The following DRD2 variants were observed in gnomAD, a reference collection of about 807,000 sequenced individuals.
DRD2 encodes the protein dopamine receptor D2.
In DRD2, 8 loss-of-function variants were observed where a neutral mutation model predicts 38.0. That is an observed-to-expected ratio of 0.21 (90% CI 0.12 to 0.38). The LOEUF (loss-of-function observed/expected upper bound fraction) is 0.38. Ranked by LOEUF, DRD2 falls within the 10% of genes least tolerant of loss-of-function variation. The probability of loss-of-function intolerance (pLI) is 1.00; values close to 1 mark genes in which losing one functional copy is unlikely to be tolerated. For missense variants in DRD2, 403 were observed against 607.7 expected (o/e 0.66, Z 3.54); for synonymous variants, 230 against 238.6 (o/e 0.96, Z 0.33).
chr11:113,469,966 G>A (rs1048185652), intron 1 of DRD2, among the ~76,000 whole-genome samples: 1 of 152,218 alleles, frequency 6.6e-6, no homozygotes, highest in Non-Finnish European at 1.5e-5. Context: ...CAAGTGCTGA[G>A]CACAGCGCCC....
chr11:113,412,644 T>C lies in DRD2; in HGVS notation c.1050A>G (p.Lys350=), dbSNP rs774175769. 5 of 1,614,086 alleles carry C rather than the reference T, an allele frequency of 3.1e-6. No homozygotes were observed. In the Admixed American group the frequency reaches 6.7e-5, roughly 22 times the overall value. Residue 350 remains lysine, a synonymous_variant, in exon 7 of 8, where the codon AAA becomes AAG. Coordinates refer to ENST00000362072, the MANE Select transcript of DRD2 (RefSeq NM_000795.4). ...TCATGGTCTTGAGGGAGGTCCGGGT[T>C]TTGCCATTGGGCATGGTCTGGATCT... ...IFEIQTMPNG[K]TRTSLKTMSR...
At chr11:113,443,772 A>T (rs1179363906) in intron 1 of DRD2, among the ~76,000 whole-genome samples, 3 of 152,260 alleles carry the variant, frequency 2.0e-5, no homozygotes, top group Admixed American at 6.5e-5. Context: ...ACTAAGTGGA[A>T]TGCATTGGGA....
intron 1 of DRD2, among the ~76,000 whole-genome samples, chr11:113,431,260 G>A (rs1395035834): frequency 2.0e-5 from 3 of 152,192 alleles, no homozygotes; most frequent in Admixed American, 2.0e-4. Flanking sequence ...TAGCTGCCAG[G>A]CCTCACTCCA....
At chr11:113,429,376 C>T (rs1332378737) in intron 1 of DRD2, among the ~76,000 whole-genome samples, 2 of 152,116 alleles carry the variant, frequency 1.3e-5, no homozygotes, top group Non-Finnish European at 2.9e-5. Context: ...TCCCGAGTAG[C>T]CAGGACTACA....
rs372849659 is a variant in DRD2, at chr11:113,412,675, A to G, written c.1019T>C (p.Ile340Thr). 6.2e-7 allele frequency: 1 copy of G among 1,614,110 alleles called. No individual in the cohort carries two copies. The highest frequency in any genetic ancestry group is 1.3e-5 in the African/African-American group (1 of 75,000). The part of the protein sequence containing the change: ...HAKDHPKIAK[I>T]FEIQTMPNGK... ...ATTGGGCATGGTCTGGATCTCAAAG[A>G]TCTTGGCAATCTTGGGGTGGTCTTT... The change falls in exon 7 of 8, where the codon ATC becomes ACC. Residue 340 changes from isoleucine (I) to threonine (T), a missense_variant. Transcript: ENST00000362072.
At chr11:113,448,119 C>T (rs531744122) in intron 1 of DRD2, among the ~76,000 whole-genome samples, 14 of 152,256 alleles carry the variant, frequency 9.2e-5, no homozygotes, top group African/African-American at 3.1e-4. Flanking sequence ...CATCACTCTG[C>T]GAGATGGAAC....
At chr11:113,452,005 C>T (rs185879517) in intron 1 of DRD2, among the ~76,000 whole-genome samples, 3 of 152,268 alleles carry the variant, frequency 2.0e-5, no homozygotes, top group Non-Finnish European at 4.4e-5. Context: ...CCTCTGGCCC[C>T]CTCCAGCCCA....
chr11:113,451,941 G>C (rs1353110228), intron 1 of DRD2, among the ~76,000 whole-genome samples: 4 of 152,132 alleles, frequency 2.6e-5, no homozygotes, highest in African/African-American at 9.7e-5. Flanking sequence ...AAATTCCATA[G>C]CTGGGATGGA....
At chr11:113,472,370 T>A (rs1436403167) in intron 1 of DRD2, among the ~76,000 whole-genome samples, 2 of 152,178 alleles carry the variant, frequency 1.3e-5, no homozygotes, top group African/African-American at 4.8e-5. Context: ...AGCAAGACAA[T>A]CTCAGGAGTA....
chr11:113,455,391 C>T (rs973145620), intron 1 of DRD2, among the ~76,000 whole-genome samples: 2 of 151,742 alleles, frequency 1.3e-5, no homozygotes, highest in Non-Finnish European at 2.9e-5. Flanking sequence ...AAAAAGATGT[C>T]GATTTGGCAA....
At chr11:113,435,332 G>A (rs1053430432) in intron 1 of DRD2, among the ~76,000 whole-genome samples, 3 of 844 alleles carry the variant, frequency 3.6e-3, no homozygotes, top group African/African-American at 4.2e-3. Flanking sequence ...ACTCAGTGTG[G>A]GGGGGGGTGG....
At position 113,410,418 on chromosome 11, in the gene DRD2, G is replaced by A; in HGVS notation, c.*309C>T. ...CCTAGAGCCCCAGAGGAAGGTCAAG[G>A]AAGGCGGCTGCATCTTTGGTGCCAA... is the stretch of plus-strand genomic sequence containing the variant. On this transcript the variant is annotated 3_prime_UTR_variant, in exon 8 of 8. Transcript: ENST00000362072. 1.2e-5 allele frequency: 6 copies of A among 509,200 alleles called. No homozygotes were observed. The South Asian group carries it at 1.3e-4, about 11-fold the overall frequency. 31.5% of individuals were successfully genotyped at this position (509,200 alleles called of 1,614,324 possible).
intron 1 of DRD2, among the ~76,000 whole-genome samples, chr11:113,433,913 A>G (rs1951013104): frequency 6.6e-6 from 1 of 152,130 alleles, no homozygotes; most frequent in South Asian, 2.1e-4. Context: ...CACTTTCTCA[A>G]TTTCCTGTCA....
At chr11:113,452,483 C>CGT (rs1951225399) in intron 1 of DRD2, among the ~76,000 whole-genome samples, 1 of 111,492 alleles carries the variant, frequency 9.0e-6, no homozygotes, top group Non-Finnish European at 2.1e-5. Context: ...CGCGCGCGCG[C>CGT]GCGCACATTG....
At chr11:113,441,448 T>C (rs557315858) in intron 1 of DRD2, among the ~76,000 whole-genome samples, 1 of 152,300 alleles carries the variant, frequency 6.6e-6, no homozygotes, top group African/African-American at 2.4e-5. Flanking sequence ...TCACATAGCA[T>C]TGTTGAAAAA....
intron 1 of DRD2, among the ~76,000 whole-genome samples, chr11:113,464,388 G>C (rs1431282290): frequency 1.3e-5 from 2 of 152,060 alleles, no homozygotes; most frequent in African/African-American, 4.8e-5. Flanking sequence ...GTTCCTTTCA[G>C]GTGCCCACCA....
chr11:113,443,251 T>C (rs1294125044), intron 1 of DRD2, among the ~76,000 whole-genome samples: 1 of 152,192 alleles, frequency 6.6e-6, no homozygotes, highest in Non-Finnish European at 1.5e-5. Flanking sequence ...CTGTGATCTA[T>C]TTTTGGGCAA....
chr11:113,472,710 CTTGGCAT>C (rs1326442924), intron 1 of DRD2, among the ~76,000 whole-genome samples: 1 of 152,186 alleles, frequency 6.6e-6, no homozygotes, highest in African/African-American at 2.4e-5. Context: ...CTAATCACTC[CTTGGCAT>C]TTCAGGAGCA....
chr11:113,455,930 A>T (rs1951264619), intron 1 of DRD2, among the ~76,000 whole-genome samples: 1 of 152,218 alleles, frequency 6.6e-6, no homozygotes, highest in South Asian at 2.1e-4. Flanking sequence ...GCAATCTTAC[A>T]TCTGGGTGTG....
Sources: allele counts gnomAD v4.1 joint callset (sites outside exome capture counted in the v4.1 genomes callset), GRCh38; gene constraint gnomAD v4.1.1; transcripts MANE v1.5; gene names NCBI Gene and HGNC (gene_info 2026-07-23, HGNC 2026-07-21).